The following AHCYL1 variants were observed in gnomAD, a reference collection of about 807,000 sequenced individuals.
AHCYL1 encodes the protein S-adenosylhomocysteine hydrolase-like protein 1.
A neutral mutation model predicts 79.3 loss-of-function variants in AHCYL1; 20 were observed. The observed-to-expected ratio is 0.25, with a 90% CI of 0.18 to 0.37. The LOEUF (loss-of-function observed/expected upper bound fraction) is 0.37. Ranked by LOEUF, AHCYL1 falls within the 10% of genes least tolerant of loss-of-function variation. The pLI is 1.00. For missense variants in AHCYL1, 330 were observed against 673.6 expected (o/e 0.49, Z 5.65); for synonymous variants, 223 against 242.2 (o/e 0.92, Z 0.74).
chr1:109,994,995 T>TAGGAAAA (rs1649953408), intron 1 of AHCYL1, among the ~76,000 whole-genome samples: 1 of 152,212 alleles, frequency 6.6e-6, no homozygotes. Flanking sequence ...AAAATGCATC[T>TAGGAAAA]TGGTGGGGCT....
At chr1:110,018,296 C>T (rs900851538) in intron 11 of AHCYL1, 77 bp from the exon 12 acceptor site, 5 of 1,411,066 alleles carry the variant, frequency 3.5e-6, no homozygotes, top group Non-Finnish European at 5.0e-6. Context: ...CTCTGGTCTC[C>T]TATGTTCTAC....
chr1:110,011,953 A>G (rs1029850751), intron 3 of AHCYL1, among the ~76,000 whole-genome samples: 1 of 152,236 alleles, frequency 6.6e-6, no homozygotes, highest in African/African-American at 2.4e-5. Context: ...AGGACATGGT[A>G]AGACAGCATA....
At chr1:110,011,144 G>A in intron 2 of AHCYL1, 70 bp from the exon 3 acceptor site, 4 of 1,577,904 alleles carry the variant, frequency 2.5e-6, no homozygotes, top group Non-Finnish European at 3.4e-6. Flanking sequence ...AGTCCCTTGG[G>A]GACTGCACTC....
intron 4 of AHCYL1, 60 bp from the exon 5 acceptor site, chr1:110,012,837 G>A (rs1485186060): frequency 9.7e-6 from 13 of 1,336,104 alleles, no homozygotes; most frequent in Non-Finnish European, 1.4e-5. Context: ...GATGAGGCTT[G>A]CTCTCCATTC....
At chr1:110,018,945 C>A in intron 13 of AHCYL1, 106 bp from the exon 14 acceptor site, 1 of 1,045,518 alleles carries the variant, frequency 9.6e-7, no homozygotes, top group African/African-American at 1.6e-5. Flanking sequence ...CTTCCTCTTC[C>A]AACTGAGTCT....
rs745611331 is a variant in AHCYL1 at position 110,018,385 on chromosome 1, T to C, written c.1136T>C (p.Val379Ala). ...TCTTTTCTTTTAGGAAATAAGAATG[T>C]AGTGACACGGGAGCACTTGGATCGC... ...VVITCTGNKNVVTREHLDRMK... is the reference protein window; with the variant it reads ...VVITCTGNKNAVTREHLDRMK... The change falls in exon 12 of 17, where the codon GTA becomes GCA. Residue 379 changes from valine (V) to alanine (A), a missense_variant. By Grantham distance (64) the Val-to-Ala change is moderately conservative. Coordinates refer to ENST00000369799, the MANE Select transcript of AHCYL1 (RefSeq NM_006621.7). 2 of 1,614,128 alleles carry C rather than the reference T, an allele frequency of 1.2e-6. No homozygotes were observed. The highest frequency in any genetic ancestry group is 1.1e-5 in the South Asian group (1 of 91,076).
At position 110,012,410 on chromosome 1, in the gene AHCYL1, C is replaced by A; in HGVS notation, c.425C>A (p.Pro142His). ...AGGAAACGTGCTCAGGGGGAGAAGC[C>A]CTTGGCTGGTGCTAAAATAGTGGGC... is the stretch of plus-strand genomic sequence containing the variant. ...SLRKRAQGEK[P>H]LAGAKIVGCT... Residue 142 changes from proline (P) to histidine (H), a missense_variant, in exon 4 of 17, where the codon CCC becomes CAC. By Grantham distance (77) the Pro-to-His change is moderately conservative. Transcript: ENST00000369799. 1 of 1,613,872 alleles carries A rather than the reference C, an allele frequency of 6.2e-7. No individual in the cohort carries two copies. Among genetic ancestry groups the A allele is most frequent in the Non-Finnish European group, 8.5e-7 (1 of 1,179,950 alleles).
chr1:109,987,883 G>A (rs564443131), intron 1 of AHCYL1, among the ~76,000 whole-genome samples: 1 of 152,304 alleles, frequency 6.6e-6, no homozygotes, highest in South Asian at 2.1e-4. Context: ...TGCCAAATAA[G>A]TGCCTATTTT....
At chr1:109,994,336 C>A (rs542230932) in intron 1 of AHCYL1, among the ~76,000 whole-genome samples, 2 of 152,366 alleles carry the variant, frequency 1.3e-5, no homozygotes, top group African/African-American at 4.8e-5. Flanking sequence ...GATCTCGGCT[C>A]ACTGCAATCT....
chr1:110,012,611 G>T, intron 4 of AHCYL1, 149 bp downstream of exon 4: 2 of 687,414 alleles, frequency 2.9e-6, no homozygotes, highest in Non-Finnish European at 2.2e-6. Flanking sequence ...GGGTTTTCTG[G>T]GTTTTTTTTT....
At chr1:110,001,634 G>A (rs932358056) in intron 1 of AHCYL1, among the ~76,000 whole-genome samples, 4 of 152,056 alleles carry the variant, frequency 2.6e-5, no homozygotes, top group Non-Finnish European at 4.4e-5. Context: ...ATATGTATTC[G>A]CTTCCCACAC....
chr1:110,021,689 A>C lies in AHCYL1; in HGVS notation c.*9A>C, dbSNP rs1490771694. 1 of 1,611,798 alleles carries C rather than the reference A, an allele frequency of 6.2e-7. No individual in the cohort carries two copies. The highest frequency in any genetic ancestry group is 1.7e-5 in the Admixed American group (1 of 59,922). ...CTCTTTACAGATACTAATGGACCAT[A>C]CTACCAAGGACCAGTCCACCTGAAC... On this transcript the variant is annotated 3_prime_UTR_variant, in exon 17 of 17. Transcript: ENST00000369799.
chr1:109,995,986 A>G (rs1650008821), intron 1 of AHCYL1, among the ~76,000 whole-genome samples: 1 of 152,178 alleles, frequency 6.6e-6, no homozygotes, highest in South Asian at 2.1e-4. Flanking sequence ...TTGGGAGGCC[A>G]AGGCAGGCAG....
Position 110,020,822 on chromosome 1 carries a change from A to G in AHCYL1, c.1557A>G (p.Lys519=), listed in dbSNP as rs747548728. The change falls in exon 16 of 17, where the codon AAA becomes AAG. Residue 519 remains lysine (K), a synonymous_variant. Transcript: ENST00000369799. ...DDQAKYLGLN[K]NGPFKPNYYR... ...AAGCAAAATATCTGGGACTCAACAA[A>G]AATGGGCCATTCAAACCTAATTATT... 1 of 1,613,444 alleles carries G rather than the reference A, an allele frequency of 6.2e-7. No homozygotes were observed. Among genetic ancestry groups the G allele is most frequent in the South Asian group, 1.1e-5 (1 of 90,948 alleles).
chr1:110,010,666 C>T (rs1292254956), intron 2 of AHCYL1, among the ~76,000 whole-genome samples: 1 of 152,160 alleles, frequency 6.6e-6, no homozygotes, highest in Non-Finnish European at 1.5e-5. Context: ...AAGTGTGATC[C>T]TCTGACTAGC....
chr1:109,988,569 G>A (rs1200097504), intron 1 of AHCYL1, among the ~76,000 whole-genome samples: 3 of 152,102 alleles, frequency 2.0e-5, no homozygotes, highest in Non-Finnish European at 4.4e-5. Context: ...TTTTCATAGT[G>A]TAAACCCAAA....
At chr1:109,997,346 C>A (rs2101702901) in intron 1 of AHCYL1, among the ~76,000 whole-genome samples, 1 of 152,152 alleles carries the variant, frequency 6.6e-6, no homozygotes, top group Middle Eastern at 3.4e-3. Flanking sequence ...GTTGAAATAG[C>A]CAGAGTAGAG....
intron 1 of AHCYL1, among the ~76,000 whole-genome samples, chr1:109,993,490 T>G (rs7548583): frequency 6.6e-6 from 1 of 152,172 alleles, no homozygotes. Context: ...AATCATTCCT[T>G]GGAGAAAGTA....
At chr1:110,020,628 C>T (rs1651739519) in intron 15 of AHCYL1, 103 bp from the exon 16 acceptor site, 1 of 1,393,706 alleles carries the variant, frequency 7.2e-7, no homozygotes, top group Non-Finnish European at 9.7e-7. Context: ...TTATTCCATC[C>T]CTTGTCTGCT....
Sources: allele counts gnomAD v4.1 joint callset (sites outside exome capture counted in the v4.1 genomes callset), GRCh38; gene constraint gnomAD v4.1.1; transcripts MANE v1.5; gene names NCBI Gene and HGNC (gene_info 2026-07-23, HGNC 2026-07-21).